SLC6A11: variants seen among roughly 807,000 people sequenced by gnomAD.
SLC6A11 encodes solute carrier family 6 member 11.
Under a neutral mutation model 74.8 loss-of-function variants are expected in SLC6A11, and 25 were observed. The observed-to-expected ratio is 0.33, with a 90% CI of 0.24 to 0.47. The LOEUF is 0.47. SLC6A11 is among the 20% of genes least tolerant of loss of function. The pLI, the probability that SLC6A11 is intolerant of heterozygous loss-of-function variation, is 1.00. For synonymous variants in SLC6A11, 330 were observed against 330.2 expected (o/e 1.00, Z 0.01); for missense variants, 574 against 837.0 (o/e 0.69, Z 3.88).
intron 6 of SLC6A11, among the ~76,000 whole-genome samples, chr3:10,887,137 A>G (rs1008027798): frequency 6.6e-6 from 1 of 151,976 alleles, no homozygotes; most frequent in African/African-American, 2.4e-5. Flanking sequence ...GGATGCACAG[A>G]TAGATGATAG....
rs1459440815 is a variant in SLC6A11, at chr3:10,816,248, G to A, written c.-18G>A. The A allele has an allele frequency of 3.1e-6, 4 of 1,306,540 alleles. No individual in the cohort carries two copies. Among genetic ancestry groups the A allele is most frequent in the Non-Finnish European group, 3.9e-6 (4 of 1,030,794 alleles). 80.9% of individuals were successfully genotyped at this position (1,306,540 alleles called of 1,614,324 possible). A position where few individuals can be genotyped will look rare whatever the true frequency, so the allele number is the denominator to read the frequency against. On this transcript the variant is annotated 5_prime_UTR_variant, in exon 1 of 14. Transcript: ENST00000254488. The surrounding 1 kb of genome is among the most constrained non-coding windows in gnomAD (Gnocchi z 4.2). Reference sequence around the variant, plus strand: ...GCGGCGCAGAGCCGGGCCGGCGCACGAGGCAGCCAGCGCGGCCATGACGGC... The same window carrying A: ...GCGGCGCAGAGCCGGGCCGGCGCACAAGGCAGCCAGCGCGGCCATGACGGC...
At chr3:10,891,209 G>T (rs1166429913) in intron 6 of SLC6A11, among the ~76,000 whole-genome samples, 1 of 152,160 alleles carries the variant, frequency 6.6e-6, no homozygotes, top group Non-Finnish European at 1.5e-5. Flanking sequence ...CTCATTTCTA[G>T]CATCTGGGAG....
intron 6 of SLC6A11, among the ~76,000 whole-genome samples, chr3:10,902,508 G>A (rs568318070): frequency 1.3e-5 from 2 of 152,228 alleles, no homozygotes; most frequent in Non-Finnish European, 2.9e-5. Context: ...AAAGAAACCA[G>A]ATTAAAGGGA....
intron 5 of SLC6A11, among the ~76,000 whole-genome samples, chr3:10,850,821 T>C (rs1694565608): frequency 6.6e-6 from 1 of 152,084 alleles, no homozygotes; most frequent in Non-Finnish European, 1.5e-5. Context: ...TGTGGCTGCT[T>C]GTTGTGAATG....
Position 10,819,865 on chromosome 3 carries a change from G to T in SLC6A11, c.532+13G>T, listed in dbSNP as rs182883179. ...GAGTGGAACACAGGTATGGCCCCAC[G>T]GAGGTCTCTCTGCTGGTCCTGCTGG... On this transcript the variant is annotated intron_variant, in intron 3 of 13. Coordinates refer to ENST00000254488, the MANE Select transcript of SLC6A11 (RefSeq NM_014229.3). 1.9e-6 allele frequency: 3 copies of T among 1,612,758 alleles called. No individual in the cohort carries two copies. The African/African-American group carries it at 4.0e-5, about 21-fold the overall frequency.
intron 8 of SLC6A11, among the ~76,000 whole-genome samples, chr3:10,922,857 A>G (rs778242253): frequency 3.2e-4 from 48 of 152,198 alleles, no homozygotes; most frequent in Non-Finnish European, 6.3e-4. Flanking sequence ...TTGACTGGAT[A>G]TTTTAAGGCT....
chr3:10,845,786 T>A (rs181659776), intron 5 of SLC6A11, among the ~76,000 whole-genome samples: 1 of 152,306 alleles, frequency 6.6e-6, no homozygotes, highest in Non-Finnish European at 1.5e-5. Flanking sequence ...TTGCTTATAT[T>A]TGCTTTTTGT....
chr3:10,896,727 C>T (rs1182564736), intron 6 of SLC6A11, among the ~76,000 whole-genome samples: 1 of 152,182 alleles, frequency 6.6e-6, no homozygotes, highest in Non-Finnish European at 1.5e-5. Flanking sequence ...GCCCTGAGCA[C>T]AGGATGGGGA....
intron 8 of SLC6A11, among the ~76,000 whole-genome samples, chr3:10,919,224 G>A (rs979997408): frequency 2.0e-5 from 3 of 152,156 alleles, no homozygotes; most frequent in African/African-American, 7.2e-5. Context: ...GCAAAATGGT[G>A]AAAAACTCTT....
intron 6 of SLC6A11, among the ~76,000 whole-genome samples, chr3:10,908,816 T>A (rs1695345947): frequency 6.6e-6 from 1 of 150,948 alleles, no homozygotes; most frequent in African/African-American, 2.5e-5. Context: ...GATTAAAGGA[T>A]TTGGGCTCAT....
At chr3:10,847,738 C>A (rs1239287921) in intron 5 of SLC6A11, among the ~76,000 whole-genome samples, 1 of 152,182 alleles carries the variant, frequency 6.6e-6, no homozygotes, top group African/African-American at 2.4e-5. Context: ...GATAGGTAAG[C>A]TTTTCAGGGG....
chr3:10,819,687 TC>T (rs758168127), intron 2 of SLC6A11, 24 bp from the exon 3 acceptor site: 1 of 1,612,242 alleles, frequency 6.2e-7, no homozygotes, highest in Admixed American at 1.7e-5. Flanking sequence ...AGACTCAAAT[TC>T]CTTCCTTTCT....
intron 5 of SLC6A11, among the ~76,000 whole-genome samples, chr3:10,856,437 A>G (rs912993772): frequency 6.6e-6 from 1 of 152,204 alleles, no homozygotes; most frequent in African/African-American, 2.4e-5. Flanking sequence ...TGGGCCCTCC[A>G]CTTTCATGAT....
intron 5 of SLC6A11, among the ~76,000 whole-genome samples, chr3:10,864,031 G>A (rs573817590): frequency 6.6e-6 from 1 of 152,102 alleles, no homozygotes; most frequent in East Asian, 1.9e-4. Context: ...GTAAGAATAA[G>A]GCACATCAAG....
At chr3:10,938,189 G>T in intron 13 of SLC6A11, 61 bp from the exon 14 acceptor site, 1 of 1,489,852 alleles carries the variant, frequency 6.7e-7, no homozygotes, top group South Asian at 1.4e-5. Context: ...GAGAGGCCAC[G>T]GCAGACCCTG....
At chr3:10,820,840 CACTT>C (rs1694129536) in intron 3 of SLC6A11, among the ~76,000 whole-genome samples, 1 of 152,190 alleles carries the variant, frequency 6.6e-6, no homozygotes, top group South Asian at 2.1e-4. Flanking sequence ...TTGGCGCACA[CACTT>C]TGACCTATTC....
At chr3:10,907,743 A>G (rs1695324227) in intron 6 of SLC6A11, among the ~76,000 whole-genome samples, 1 of 152,224 alleles carries the variant, frequency 6.6e-6, no homozygotes, top group Non-Finnish European at 1.5e-5. Context: ...GGAAAAGAAA[A>G]AGAGAGCCAA....
intron 4 of SLC6A11, among the ~76,000 whole-genome samples, chr3:10,833,858 T>TA: frequency 6.6e-6 from 1 of 152,096 alleles, no homozygotes; most frequent in Non-Finnish European, 1.5e-5. Context: ...GCCAGACGGG[T>TA]ATTTGTATTT....
chr3:10,927,043 C>T (rs1477369042), intron 9 of SLC6A11, among the ~76,000 whole-genome samples: 2 of 152,188 alleles, frequency 1.3e-5, no homozygotes, highest in Non-Finnish European at 2.9e-5. Flanking sequence ...GGGAGTGCCG[C>T]CCTCACCCAT....
Sources: allele counts gnomAD v4.1 joint callset (sites outside exome capture counted in the v4.1 genomes callset), GRCh38; gene constraint gnomAD v4.1.1; non-coding constraint Gnocchi (gnomAD v3.1); transcripts MANE v1.5; gene names NCBI Gene and HGNC (gene_info 2026-07-23, HGNC 2026-07-21).